Variants in GRAMD2B observed in about 807,000 individuals in gnomAD.
GRAMD2B encodes the protein GRAM domain containing 2B.
GRAMD2B carries 41 observed loss-of-function variants against 59.2 expected under a neutral mutation model. The ratio of observed to expected loss-of-function variants is 0.69; its 90% CI spans 0.54 to 0.90. The LOEUF (loss-of-function observed/expected upper bound fraction) is 0.90. GRAMD2B is among the 40% of genes least tolerant of loss of function. The pLI, the probability that GRAMD2B is intolerant of heterozygous loss-of-function variation, is 0.00. For missense variants in GRAMD2B, 424 were observed against 500.5 expected, an observed-to-expected ratio of 0.85 and a Z score of 1.46; for synonymous variants, 161 against 182.7, an observed-to-expected ratio of 0.88 and a Z score of 0.96.
At position 126,423,524 on chromosome 5, in the gene GRAMD2B, C is replaced by A; in HGVS notation, c.-83C>A. ...GGCACGGCGCCGCTTGCTTGGCCTG[C>A]GCACCCGGACCTAGAAGCCGGGACG... On this transcript the variant is annotated 5_prime_UTR_variant, in exon 1 of 14. Coordinates refer to ENST00000285689, the MANE Select transcript of GRAMD2B (RefSeq NM_023927.4). 6 of 1,552,998 alleles carry A rather than the reference C, an allele frequency of 3.9e-6. No homozygotes were observed. Among genetic ancestry groups the A allele is most frequent in the Admixed American group, 2.0e-5 (1 of 49,276 alleles).
intron 1 of GRAMD2B, among the ~76,000 whole-genome samples, chr5:126,437,642 G>A (rs935475737): frequency 2.0e-5 from 3 of 152,126 alleles, no homozygotes; most frequent in South Asian, 4.2e-4. Flanking sequence ...TAAACAGAAC[G>A]GCAGAGAATA....
At chr5:126,484,580 G>A in intron 10 of GRAMD2B, 56 bp downstream of exon 10, 1 of 1,455,438 alleles carries the variant, frequency 6.9e-7, no homozygotes, top group Non-Finnish European at 9.2e-7. Flanking sequence ...ATGTCTGTTT[G>A]TAACTTTTTT....
At chr5:126,378,698 G>C (rs757223704) in intron 1 of GRAMD2B, among the ~76,000 whole-genome samples, 1 of 152,042 alleles carries the variant, frequency 6.6e-6, no homozygotes, top group African/African-American at 2.4e-5. Context: ...CTCAGCTAGC[G>C]GAATGAACTC....
chr5:126,368,301 T>C (rs940768481), upstream of GRAMD2B, among the ~76,000 whole-genome samples: 3 of 152,212 alleles, frequency 2.0e-5, no homozygotes, highest in Admixed American at 6.5e-5. Flanking sequence ...GCAGAGGCCA[T>C]GTCTAAACAG....
intron 1 of GRAMD2B, among the ~76,000 whole-genome samples, chr5:126,400,963 G>A (rs145736040): frequency 9.7e-4 from 148 of 152,114 alleles, no homozygotes; most frequent in Middle Eastern, 3.4e-3. Flanking sequence ...CTTCATGAAC[G>A]TGATGTCCAT....
At position 126,494,299 on chromosome 5, in the gene GRAMD2B, G is replaced by C. The variant is rs964562796; in HGVS notation, c.*1343G>C. On this transcript the variant is annotated 3_prime_UTR_variant, in exon 14 of 14. Transcript: ENST00000285689. ...AAGTAATCATTTCAAAACTAAAAAA[G>C]GATTTAAGTTCTTGGGTTACAACGG... 6.6e-6 allele frequency: 1 copy of C among 150,950 alleles called. No homozygotes were observed. The highest frequency in any genetic ancestry group is 2.4e-5 in the African/African-American group (1 of 40,932). 9.4% of individuals were successfully genotyped at this position (150,950 alleles called of 1,614,324 possible).
At chr5:126,389,804 TG>T (rs1186218245) in intron 1 of GRAMD2B, among the ~76,000 whole-genome samples, 1 of 151,928 alleles carries the variant, frequency 6.6e-6, no homozygotes, top group African/African-American at 2.4e-5. Context: ...AAAAATTAGC[TG>T]GATGTGGTGG....
chr5:126,469,144 G>A (rs1769056866), intron 2 of GRAMD2B, among the ~76,000 whole-genome samples: 1 of 152,030 alleles, frequency 6.6e-6, no homozygotes, highest in African/African-American at 2.4e-5. Context: ...CAACTTGATT[G>A]TTATTTCACC....
At chr5:126,406,889 A>G (rs1299008027) in intron 1 of GRAMD2B, among the ~76,000 whole-genome samples, 1 of 152,056 alleles carries the variant, frequency 6.6e-6, no homozygotes, top group Non-Finnish European at 1.5e-5. Context: ...TATGATTTTC[A>G]ATGAAGTTTG....
intron 1 of GRAMD2B, among the ~76,000 whole-genome samples, chr5:126,402,564 C>T (rs1181420504): frequency 6.6e-6 from 1 of 151,974 alleles, no homozygotes; most frequent in East Asian, 1.9e-4. Context: ...TTATTTGATA[C>T]ATTATCTCTT....
At chr5:126,473,637 C>T (rs1770039609) in intron 5 of GRAMD2B, among the ~76,000 whole-genome samples, 1 of 152,050 alleles carries the variant, frequency 6.6e-6, no homozygotes, top group Non-Finnish European at 1.5e-5. Context: ...ATAACCATAC[C>T]CTAAATCCTT....
chr5:126,422,424 C>G (rs1444283240), upstream of GRAMD2B, among the ~76,000 whole-genome samples: 1 of 152,202 alleles, frequency 6.6e-6, no homozygotes, highest in Non-Finnish European at 1.5e-5. Flanking sequence ...GTCTCGAACT[C>G]CTGACCTCAA....
At chr5:126,412,255 T>C (rs574930434) in intron 1 of GRAMD2B, among the ~76,000 whole-genome samples, 1 of 152,120 alleles carries the variant, frequency 6.6e-6, no homozygotes, top group Non-Finnish European at 1.5e-5. Flanking sequence ...TTGTCCTAGA[T>C]GGCTCTTACT....
At chr5:126,434,067 G>A (rs1762012446) in intron 1 of GRAMD2B, 3 of 152,148 alleles carry the variant, frequency 2.0e-5, no homozygotes, top group Non-Finnish European at 4.4e-5. Context: ...CTCTGGATTA[G>A]ATCATTTTTT....
chr5:126,428,024 A>G (rs1760910195), intron 1 of GRAMD2B, among the ~76,000 whole-genome samples: 1 of 152,080 alleles, frequency 6.6e-6, no homozygotes, highest in Non-Finnish European at 1.5e-5. Context: ...CTTGAGGCCA[A>G]GAGTTTGAGA....
intron 2 of GRAMD2B, 71 bp downstream of exon 2, chr5:126,465,616 G>A (rs962260336): frequency 7.0e-6 from 10 of 1,426,796 alleles, no homozygotes; most frequent in Non-Finnish European, 9.7e-6. Context: ...AGGAGCAGGG[G>A]TTTTTTGTTA....
intron 1 of GRAMD2B, among the ~76,000 whole-genome samples, chr5:126,392,095 A>G (rs901456202): frequency 6.6e-6 from 1 of 152,166 alleles, no homozygotes; most frequent in Non-Finnish European, 1.5e-5. Context: ...TCAGTATTTT[A>G]TCTGACATTT....
At chr5:126,474,569 A>C (rs563866585) in intron 5 of GRAMD2B, among the ~76,000 whole-genome samples, 2 of 152,290 alleles carry the variant, frequency 1.3e-5, no homozygotes, top group African/African-American at 4.8e-5. Context: ...GGAATGGGGA[A>C]GGGGATTGGG....
chr5:126,467,088 G>A (rs1056960824), intron 2 of GRAMD2B, among the ~76,000 whole-genome samples: 4 of 152,008 alleles, frequency 2.6e-5, no homozygotes, highest in African/African-American at 7.3e-5. Flanking sequence ...TCAGGAGTTC[G>A]AGACCAGCCT....
Sources: allele counts gnomAD v4.1 joint callset (sites outside exome capture counted in the v4.1 genomes callset), GRCh38; gene constraint gnomAD v4.1.1; transcripts MANE v1.5; gene names NCBI Gene and HGNC (gene_info 2026-07-23, HGNC 2026-07-21).